The following FHIT variants were observed in gnomAD, a reference collection of about 807,000 sequenced individuals.
FHIT encodes fragile histidine triad diadenosine triphosphatase, also known as bis(5'-adenosyl)-triphosphatase.
Under a neutral mutation model 17.9 loss-of-function variants are expected in FHIT, and 19 were observed. The observed-to-expected ratio is 1.06, with a 90% CI of 0.74 to 1.56. The LOEUF (loss-of-function observed/expected upper bound fraction) is 1.56. FHIT is among the 40% of genes most tolerant of loss of function. The probability of loss-of-function intolerance (pLI) is 0.00; values close to 1 mark genes in which losing one functional copy is unlikely to be tolerated. For synonymous variants in FHIT, 81 were observed against 69.7 expected (o/e 1.16, Z -0.81); for missense variants, 248 against 189.2 (o/e 1.31, Z -1.82).
chr3:60,945,823 C>A lies in FHIT; in HGVS notation c.-111+96224G>T, dbSNP rs12486851. 3.5e-3 allele frequency among the ~76,000 whole-genome samples: 529 copies of A among 152,216 alleles called. 17 individuals carry two copies. The highest frequency in any genetic ancestry group is 0.029 in the Admixed American group (442 of 15,280). ...TGAGACAATCAACTGATTGAGAGAG[C>A]TGGGGATGGCCATTGGAGAGTTGAG... On this transcript the variant is annotated intron_variant, in intron 3 of 9. Transcript: ENST00000492590.
rs1433175956 is a variant in FHIT, at chr3:60,034,281, T to C, written c.104-20129A>G. On this transcript the variant is annotated intron_variant, in intron 5 of 9. Transcript: ENST00000492590. The stretch of plus-strand genomic sequence containing the variant: ...CAATGAACATGTCATTCAGATGAAT[T>C]GTGCAGGTTGGCCAGCTGGCTGGCT... 2.6e-5 allele frequency among the ~76,000 whole-genome samples: 4 copies of C among 152,358 alleles called. No homozygotes were observed. In the East Asian group the frequency reaches 5.8e-4, roughly 22 times the overall value.
At chr3:60,197,979 T>C (rs1206780500) in intron 5 of FHIT, among the ~76,000 whole-genome samples, 1 of 152,320 alleles carries the variant, frequency 6.6e-6, no homozygotes, top group Non-Finnish European at 1.5e-5. Context: ...TCAGTTATTA[T>C]GAGGTTCTGT....
At chr3:59,837,271 G>T (rs965833283) in intron 8 of FHIT, among the ~76,000 whole-genome samples, 19 of 152,102 alleles carry the variant, frequency 1.2e-4, no homozygotes, top group African/African-American at 4.6e-4. Context: ...ATGCCAAAAT[G>T]CACGGATGTT....
chr3:60,124,009 T>TAGAGAGAGAGAGAGAG (rs1168094593), intron 5 of FHIT, among the ~76,000 whole-genome samples: 5 of 12,156 alleles, frequency 4.1e-4, no homozygotes, highest in East Asian at 2.2e-3. Context: ...TATATATATA[T>TAGAGAGAGAGAGAGAG]AGAGAGAGAG....
chr3:60,422,458 T>G (rs1217588587), intron 5 of FHIT, among the ~76,000 whole-genome samples: 1 of 152,164 alleles, frequency 6.6e-6, no homozygotes, highest in East Asian at 1.9e-4. Flanking sequence ...GCTCTTCTCA[T>G]ACCTTATCAC....
At chr3:60,342,280 A>G (rs1386906512) in intron 5 of FHIT, among the ~76,000 whole-genome samples, 5 of 152,246 alleles carry the variant, frequency 3.3e-5, no homozygotes, top group Admixed American at 6.5e-5. Context: ...AGCTCTTTGC[A>G]TAGCATATCA....
intron 4 of FHIT, among the ~76,000 whole-genome samples, chr3:60,738,824 A>G (rs1322951285): frequency 6.6e-6 from 1 of 152,206 alleles, no homozygotes; most frequent in Non-Finnish European, 1.5e-5. Flanking sequence ...CAAAGGCCCC[A>G]ACCTCAAGCC....
chr3:60,444,904 C>G (rs1377038318), intron 5 of FHIT, among the ~76,000 whole-genome samples: 2 of 151,536 alleles, frequency 1.3e-5, no homozygotes, highest in South Asian at 2.1e-4. Flanking sequence ...TGTCTTGAAA[C>G]TTTGTTTTTG....
At chr3:60,613,043 G>T (rs550660842) in intron 4 of FHIT, among the ~76,000 whole-genome samples, 1 of 152,146 alleles carries the variant, frequency 6.6e-6, no homozygotes, top group African/African-American at 2.4e-5. Context: ...AAATAGAAAG[G>T]GATCTTGCCT....
At chr3:60,522,173 G>A (rs543751340) in intron 5 of FHIT, among the ~76,000 whole-genome samples, 8 of 142,258 alleles carry the variant, frequency 5.6e-5, no homozygotes, top group Non-Finnish European at 1.1e-4. Context: ...GCAGTGGCAC[G>A]ATCTGAGCTC....
At chr3:60,515,718 T>G (rs111276859) in intron 5 of FHIT, among the ~76,000 whole-genome samples, 128 of 152,340 alleles carry the variant, frequency 8.4e-4, no homozygotes, top group African/African-American at 3.0e-3. Context: ...ATGCTTCATA[T>G]GGACGAGAGA....
chr3:60,921,039 T>G (rs1228940897), intron 3 of FHIT, among the ~76,000 whole-genome samples: 2 of 152,216 alleles, frequency 1.3e-5, no homozygotes, highest in Non-Finnish European at 2.9e-5. Flanking sequence ...AGATATTTAT[T>G]AAGCACCTAA....
At chr3:59,805,832 G>A (rs1025066083) in intron 8 of FHIT, among the ~76,000 whole-genome samples, 1 of 152,030 alleles carries the variant, frequency 6.6e-6, no homozygotes, top group Non-Finnish European at 1.5e-5. Context: ...CATGATGCTG[G>A]GTATGCTACT....
At chr3:59,869,500 T>TA (rs1553701529) in intron 8 of FHIT, among the ~76,000 whole-genome samples, 1 of 145,730 alleles carries the variant, frequency 6.9e-6, no homozygotes, top group Non-Finnish European at 1.5e-5. Context: ...TTTTTTTTTT[T>TA]AGACAGAGTC....
intron 5 of FHIT, among the ~76,000 whole-genome samples, chr3:60,518,033 A>G (rs2035224071): frequency 6.6e-6 from 1 of 152,240 alleles, no homozygotes; most frequent in African/African-American, 2.4e-5. Context: ...GACTAGCAAA[A>G]TAAAAATTAG....
intron 8 of FHIT, among the ~76,000 whole-genome samples, chr3:59,921,002 C>T (rs1038622569): frequency 1.1e-4 from 16 of 152,238 alleles, no homozygotes; most frequent in Admixed American, 8.5e-4. Flanking sequence ...GAATCTCCAG[C>T]GACGGGACCT....
rs528281744 is a variant in FHIT at position 60,165,913 on chromosome 3, C to A, written c.104-151761G>T. ...TAAATAGGATCGTGATACCTTACAG[C>A]AACTTCTGTTTTTTTCACCGGACAT... On this transcript the variant is annotated intron_variant, in intron 5 of 9. Coordinates refer to ENST00000492590, the MANE Select transcript of FHIT (RefSeq NM_002012.4). 2.7e-4 allele frequency among the ~76,000 whole-genome samples: 41 copies of A among 152,178 alleles called. No homozygotes were observed. The South Asian group carries it at 8.1e-3, about 30-fold the overall frequency.
chr3:60,208,962 C>T (rs1350587075), intron 5 of FHIT, among the ~76,000 whole-genome samples: 1 of 152,138 alleles, frequency 6.6e-6, no homozygotes, highest in Non-Finnish European at 1.5e-5. Flanking sequence ...ACAGAGAACA[C>T]ACTGGTTTTG....
chr3:60,418,893 A>G (rs898296865), intron 5 of FHIT, among the ~76,000 whole-genome samples: 17 of 152,164 alleles, frequency 1.1e-4, no homozygotes, highest in Middle Eastern at 3.2e-3. Context: ...CCAACTCCAC[A>G]TATGTGCATC....
Sources: allele counts gnomAD v4.1 joint callset (sites outside exome capture counted in the v4.1 genomes callset), GRCh38; gene constraint gnomAD v4.1.1; transcripts MANE v1.5; gene names NCBI Gene and HGNC (gene_info 2026-07-23, HGNC 2026-07-21).